NDUFA10: variants seen among roughly 807,000 people sequenced by gnomAD.
The protein encoded by NDUFA10 is NADH dehydrogenase [ubiquinone] 1 alpha subcomplex subunit 10, mitochondrial.
Under a neutral mutation model 47.8 loss-of-function variants are expected in NDUFA10, and 40 were observed. The observed-to-expected ratio is 0.84, with a 90% CI of 0.65 to 1.09. The LOEUF is 1.09. NDUFA10 is among the 50% of genes least tolerant of loss of function. NDUFA10 has a pLI of 0.00. For missense variants in NDUFA10, 413 were observed against 451.1 expected (o/e 0.92, Z 0.76); for synonymous variants, 183 against 172.2 (o/e 1.06, Z -0.49).
At chr2:239,978,751 A>G (rs762954591) in intron 9 of NDUFA10, among the ~76,000 whole-genome samples, 11 of 152,234 alleles carry the variant, frequency 7.2e-5, no homozygotes, top group Non-Finnish European at 1.5e-4. Flanking sequence ...CTGTTCTGTT[A>G]AAACTAGGCT....
chr2:239,989,391 T>C (rs756114659), intron 9 of NDUFA10, among the ~76,000 whole-genome samples: 21 of 152,132 alleles, frequency 1.4e-4, no homozygotes, highest in Non-Finnish European at 2.2e-4. Flanking sequence ...TAGCTTGGAG[T>C]TCTGATTTAA....
chr2:239,988,643 T>C (rs1336407175), intron 9 of NDUFA10, among the ~76,000 whole-genome samples: 2 of 152,186 alleles, frequency 1.3e-5, no homozygotes, highest in African/African-American at 4.8e-5. Flanking sequence ...GCGAAGCCAC[T>C]TGTGAAACAG....
intron 4 of NDUFA10, among the ~76,000 whole-genome samples, chr2:239,900,982 A>C (rs773282221): frequency 1.3e-5 from 2 of 152,240 alleles, no homozygotes; most frequent in Admixed American, 1.3e-4. Flanking sequence ...AGGTGGTTAC[A>C]CTAAACAACA....
chr2:239,927,752 G>A (rs757883250), intron 4 of NDUFA10, among the ~76,000 whole-genome samples: 1 of 152,180 alleles, frequency 6.6e-6, no homozygotes, highest in Non-Finnish European at 1.5e-5. Flanking sequence ...CCTGGGTGGC[G>A]ACTGGGGACA....
intron 4 of NDUFA10, among the ~76,000 whole-genome samples, chr2:239,950,112 G>A (rs1464531659): frequency 6.6e-6 from 1 of 152,192 alleles, no homozygotes; most frequent in Non-Finnish European, 1.5e-5. Flanking sequence ...ACACCTCAGA[G>A]TGGGCTCACG....
chr2:240,017,718 C>T, intron 4 of NDUFA10: 1 of 938,248 alleles, frequency 1.1e-6, no homozygotes, highest in Admixed American at 2.0e-5. Context: ...CACGGGCTTG[C>T]AGTGCTCTTG....
chr2:240,001,798 T>A (rs1464445470), intron 8 of NDUFA10, among the ~76,000 whole-genome samples: 1 of 152,252 alleles, frequency 6.6e-6, no homozygotes, highest in Non-Finnish European at 1.5e-5. Context: ...GCACAGGGAA[T>A]AATCAGCTGA....
intron 5 of NDUFA10, among the ~76,000 whole-genome samples, chr2:239,894,291 C>A (rs954664641): frequency 6.6e-6 from 1 of 151,642 alleles, no homozygotes; most frequent in South Asian, 2.1e-4. Flanking sequence ...TGCCTCCCGT[C>A]CTCAGCTCCA....
intron 4 of NDUFA10, among the ~76,000 whole-genome samples, chr2:239,947,827 G>A (rs1179335858): frequency 6.6e-6 from 1 of 152,226 alleles, no homozygotes; most frequent in Non-Finnish European, 1.5e-5. Flanking sequence ...GACATAACCT[G>A]TGGCCCCCAG....
intron 8 of NDUFA10, among the ~76,000 whole-genome samples, chr2:239,992,098 G>A (rs1338922595): frequency 6.6e-6 from 1 of 152,110 alleles, no homozygotes; most frequent in East Asian, 1.9e-4. Flanking sequence ...TATATCTCCA[G>A]TAAACTCCTA....
chr2:239,968,894 C>T (rs567575788), intron 9 of NDUFA10, among the ~76,000 whole-genome samples: 38 of 152,160 alleles, frequency 2.5e-4, no homozygotes, highest in Non-Finnish European at 4.9e-4. Flanking sequence ...AACAGGGACC[C>T]CATGGCCATG....
rs539271935 is a variant in NDUFA10 at position 239,928,810 on chromosome 2, G to A, written c.295-33496C>T. Among the ~76,000 whole-genome samples the A allele has an allele frequency of 3.3e-5, 5 of 152,276 alleles. No homozygotes were observed. The highest frequency in any genetic ancestry group is 1.2e-4 in the African/African-American group (5 of 41,542). ...GGTATCCGTGTTCCAAGCAGCCCAG[G>A]CCCAACCTCGGAGCCTGTGTGGTTG... On this transcript the variant is annotated intron_variant, in intron 4 of 5. Coordinates refer to the NDUFA10 transcript ENST00000419408. The surrounding 1 kb of genome is among the most constrained non-coding windows in gnomAD (Gnocchi z 4.3).
intron 7 of NDUFA10, among the ~76,000 whole-genome samples, chr2:240,005,636 C>G (rs1036479228): frequency 6.6e-6 from 1 of 152,180 alleles, no homozygotes; most frequent in Non-Finnish European, 1.5e-5. Context: ...GGATTATAGA[C>G]GTGAGCCACC....
chr2:240,002,133 C>T (rs1435118087), intron 8 of NDUFA10, among the ~76,000 whole-genome samples: 3 of 152,074 alleles, frequency 2.0e-5, no homozygotes, highest in Non-Finnish European at 2.9e-5. Context: ...AGTTCAAGAC[C>T]AGTCTGCCCA....
intron 4 of NDUFA10, among the ~76,000 whole-genome samples, chr2:239,938,784 G>T (rs1388170017): frequency 2.0e-5 from 3 of 152,188 alleles, no homozygotes; most frequent in African/African-American, 7.2e-5. Flanking sequence ...GAGTAAGGAA[G>T]TTTCACCCAA....
chr2:239,927,998 T>A (rs1694093848), intron 4 of NDUFA10, among the ~76,000 whole-genome samples: 1 of 151,958 alleles, frequency 6.6e-6, no homozygotes, highest in African/African-American at 2.4e-5. Flanking sequence ...GCATGTGTAG[T>A]CATCAAATTA....
rs1158915574 is a variant in NDUFA10 at position 239,898,917 on chromosome 2, GGTTGT to G, written c.295-3608_295-3604del. On this transcript the variant is annotated intron_variant, in intron 4 of 5. Coordinates refer to the NDUFA10 transcript ENST00000419408. Reference sequence around the variant, plus strand: ...GGTGTGAAGGAGGGGAGTGATGGAAGGTTGTGATGGAGGGGTGTGACGGAGGGGTG... The same window carrying G: ...GGTGTGAAGGAGGGGAGTGATGGAAGGATGGAGGGGTGTGACGGAGGGGTG... Among the ~76,000 whole-genome samples the G allele has an allele frequency of 4.5e-3, 679 of 150,606 alleles. 220 individuals carry two copies. The highest frequency in any genetic ancestry group is 7.3e-3 in the Non-Finnish European group (493 of 67,360).
Position 239,928,832 on chromosome 2 carries a change from G to A in NDUFA10, c.295-33518C>T, listed in dbSNP as rs762509215. On this transcript the variant is annotated intron_variant, in intron 4 of 5. Transcript: ENST00000419408. The surrounding 1 kb of genome is among the most constrained non-coding windows in gnomAD (Gnocchi z 4.3). ...CAGGCCCAACCTCGGAGCCTGTGTG[G>A]TTGCTCCTTCACCCCACTCCTCCCA... Among the ~76,000 whole-genome samples, 6 of 152,176 alleles carry A rather than the reference G, an allele frequency of 3.9e-5. No homozygotes were observed. The highest frequency in any genetic ancestry group is 1.3e-4 in the Admixed American group (2 of 15,278).
At chr2:239,917,438 A>G (rs1693897128) in intron 4 of NDUFA10, among the ~76,000 whole-genome samples, 1 of 152,170 alleles carries the variant, frequency 6.6e-6, no homozygotes, top group Non-Finnish European at 1.5e-5. Flanking sequence ...GTAACTAGTA[A>G]CTTCAAGCAT....
Sources: allele counts gnomAD v4.1 joint callset (sites outside exome capture counted in the v4.1 genomes callset), GRCh38; gene constraint gnomAD v4.1.1; non-coding constraint Gnocchi (gnomAD v3.1); transcripts MANE v1.5; gene names NCBI Gene and HGNC (gene_info 2026-07-23, HGNC 2026-07-21).